The following DNAH2 variants were observed in gnomAD, a reference collection of about 807,000 sequenced individuals.
The protein encoded by DNAH2 is axonemal beta dynein heavy chain 2.
A neutral mutation model predicts 523.5 loss-of-function variants in DNAH2; 323 were observed. That is an observed-to-expected ratio of 0.62 (90% CI 0.56 to 0.68). DNAH2 has a LOEUF of 0.68. DNAH2 is among the 30% of genes least tolerant of loss of function. DNAH2 has a pLI of 0.00. For missense variants in DNAH2, 4,907 were observed against 5,701.5 expected, an observed-to-expected ratio of 0.86 and a Z score of 4.49; for synonymous variants, 2,093 against 2,177.4, an observed-to-expected ratio of 0.96 and a Z score of 1.08.
intron 4 of DNAH2, among the ~76,000 whole-genome samples, chr17:7,730,922 C>T (rs1344892300): frequency 6.6e-6 from 1 of 152,082 alleles, no homozygotes; most frequent in Non-Finnish European, 1.5e-5. Flanking sequence ...TAAGACCAGC[C>T]TGGGCAACAT....
chr17:7,793,872 A>C (rs1007312021), intron 48 of DNAH2, among the ~76,000 whole-genome samples: 4 of 152,128 alleles, frequency 2.6e-5, no homozygotes, highest in Non-Finnish European at 1.5e-5. Flanking sequence ...TGTGTGTTTG[A>C]GAGAGAACAT....
At chr17:7,769,177 G>C (rs1479738823) in intron 24 of DNAH2, among the ~76,000 whole-genome samples, 1 of 151,776 alleles carries the variant, frequency 6.6e-6, no homozygotes, top group Non-Finnish European at 1.5e-5. Context: ...TTTTTTTGTG[G>C]GGGAGACAAA....
At chr17:7,813,480 A>G (rs532440886) in intron 63 of DNAH2, among the ~76,000 whole-genome samples, 50 of 152,342 alleles carry the variant, frequency 3.3e-4, no homozygotes, top group Admixed American at 3.1e-3. Flanking sequence ...TACATAAATC[A>G]TAGTTCAGTC....
At chr17:7,720,025 C>T (rs1390751603) in intron 2 of DNAH2, 125 bp downstream of exon 2, 12 of 1,198,296 alleles carry the variant, frequency 1.0e-5, no homozygotes, top group African/African-American at 1.6e-5. Flanking sequence ...GGCTAAGTGA[C>T]GCCCCCAGCC....
At chr17:7,804,618 G>T (rs1159254698) in intron 59 of DNAH2, 152 bp downstream of exon 59, 1 of 917,176 alleles carries the variant, frequency 1.1e-6, no homozygotes, top group Non-Finnish European at 1.6e-6. Flanking sequence ...GGCTGAGGCA[G>T]GAGGATCACC....
At chr17:7,816,887 C>A in intron 64 of DNAH2, 152 bp downstream of exon 64, 2 of 981,568 alleles carry the variant, frequency 2.0e-6, no homozygotes, top group Non-Finnish European at 3.0e-6. Flanking sequence ...TTCCCCTCCC[C>A]CTGCACACCT....
At position 7,766,421 on chromosome 17, in the gene DNAH2, C is replaced by T; in HGVS notation, c.3615C>T (p.Ala1205=). ...GGGAAGAGGAAAATAGTCTCCGAGC[C>T]AACCTGGGCATCTTCAAGATCGAGC... The part of the protein sequence containing the change: ...AMREEENSLR[A]NLGIFKIEQP... The change falls in exon 22 of 86, where the codon GCC becomes GCT. Residue 1205 remains alanine (A), a synonymous_variant. Transcript: ENST00000572933. 1 of 1,614,020 alleles carries T rather than the reference C, an allele frequency of 6.2e-7. No individual in the cohort carries two copies. The highest frequency in any genetic ancestry group is 8.5e-7 in the Non-Finnish European group (1 of 1,179,992).
rs528415553 is a variant in DNAH2, at chr17:7,789,551, T to C, written c.6900+1307T>C. ...GGCAGACAATTGATTCTTAACATAA[T>C]TTCCCACCTATAGGATTGAGGAATA... On this transcript the variant is annotated intron_variant, in intron 44 of 85. Transcript: ENST00000572933. Among the ~76,000 whole-genome samples the C allele has an allele frequency of 3.1e-4, 47 of 152,044 alleles. 1 individual carries two copies. The highest frequency in any genetic ancestry group is 6.8e-3 in the Middle Eastern group (2 of 292).
chr17:7,818,505 A>G (rs1277748271), intron 69 of DNAH2, 45 bp downstream of exon 69: 1 of 1,608,126 alleles, frequency 6.2e-7, no homozygotes, highest in Non-Finnish European at 8.5e-7. Context: ...TGAAGCAGGA[A>G]GAGTTTGGAA....
chr17:7,754,155 C>T lies in DNAH2; in HGVS notation c.1905-2936C>T, dbSNP rs376124355. The stretch of plus-strand genomic sequence containing the variant: ...ACGACATTCTTTAAAGCAGGCAGGC[C>T]GTGAAGGGGAGGACAGGATATGGCA... On this transcript the variant is annotated intron_variant, in intron 12 of 85. Transcript: ENST00000572933. This position sits in a 1 kb window ranked among gnomAD's most constrained non-coding sequence, Gnocchi z 4.6. Among the ~76,000 whole-genome samples, 69 of 151,860 alleles carry T rather than the reference C, an allele frequency of 4.5e-4. No homozygotes were observed. Among genetic ancestry groups the T allele is most frequent in the African/African-American group, 1.5e-3 (62 of 41,408 alleles).
At chr17:7,768,317 C>A (rs376979981) in intron 24 of DNAH2, 50 bp downstream of exon 24, 5 of 1,593,594 alleles carry the variant, frequency 3.1e-6, no homozygotes, top group African/African-American at 2.7e-5. Flanking sequence ...CGCTGGCCTG[C>A]GCCACCACTT....
chr17:7,733,136 C>T lies in DNAH2; in HGVS notation c.449C>T (p.Thr150Ile). Reference sequence around the variant, plus strand: ...ATTCGCCAAGCACCAGTTCCCATCACCTGGGAGAACTTCGAGGCAACTGTG... The same window carrying T: ...ATTCGCCAAGCACCAGTTCCCATCATCTGGGAGAACTTCGAGGCAACTGTG... ...YFIRQAPVPITWENFEATVQF... is the reference protein window; with the variant it reads ...YFIRQAPVPIIWENFEATVQF... Residue 150 changes from threonine to isoleucine, a missense_variant, in exon 5 of 86, where the codon ACC becomes ATC. Thr to Ile is a moderately conservative substitution (Grantham distance 89). Around this residue, in one of 3 missense-constraint regions of DNAH2, gnomAD observed 2,806 missense variants for 3,190.8 expected, o/e 0.88. Transcript: ENST00000572933. 6.2e-7 allele frequency: 1 copy of T among 1,614,202 alleles called. No individual in the cohort carries two copies. The highest frequency in any genetic ancestry group is 8.5e-7 in the Non-Finnish European group (1 of 1,180,034).
chr17:7,778,774 G>T (rs1476433263), intron 35 of DNAH2, among the ~76,000 whole-genome samples: 1 of 151,984 alleles, frequency 6.6e-6, no homozygotes, highest in East Asian at 1.9e-4. Flanking sequence ...TCACCATCTT[G>T]GCCAGGCTGG....
chr17:7,745,543 G>T lies in DNAH2; in HGVS notation c.1904+2401G>T, dbSNP rs1197766796. On this transcript the variant is annotated intron_variant, in intron 12 of 85. Coordinates refer to ENST00000572933, the MANE Select transcript of DNAH2 (RefSeq NM_020877.5). ...AAAAAAAATGCCATATGTGGCTGGC[G>T]CAGTGGCTCATGCCTAGAATCCCAA... Among the ~76,000 whole-genome samples the T allele has an allele frequency of 1.4e-4, 21 of 151,664 alleles. 1 individual carries two copies. Among genetic ancestry groups the T allele is most frequent in the Admixed American group, 6.6e-5 (1 of 15,192 alleles).
Position 7,757,145 on chromosome 17 carries a change from G to T in DNAH2, c.1959G>T (p.Glu653Asp), listed in dbSNP as rs1597552080. 2 of 1,614,204 alleles carry T rather than the reference G, an allele frequency of 1.2e-6. No homozygotes were observed. Among genetic ancestry groups the T allele is most frequent in the East Asian group, 2.2e-5 (1 of 44,884 alleles). ...ACTACTGGGAGCGGCTGCTGTTTGAGACGCCCCATTACGTGGTGAACGTAG... is the reference window on the plus strand; with the variant it reads ...ACTACTGGGAGCGGCTGCTGTTTGATACGCCCCATTACGTGGTGAACGTAG... ...EIDYWERLLF[E>D]TPHYVVNVAE... The change falls in exon 13 of 86, where the codon GAG becomes GAT. Residue 653 changes from glutamate (E) to aspartate (D), a missense_variant. Transcript: ENST00000572933.
chr17:7,727,104 T>C lies in DNAH2; in HGVS notation c.229-18T>C. ...CTGGCAGTTGTAGTTACTTTGGCCC[T>C]CTGCTCTCCTTCTGTAGAAGCCCCT... On this transcript the variant is annotated intron_variant, in intron 3 of 85. Coordinates refer to ENST00000572933, the MANE Select transcript of DNAH2 (RefSeq NM_020877.5). 1 of 1,528,656 alleles carries C rather than the reference T, an allele frequency of 6.5e-7. No homozygotes were observed. Among genetic ancestry groups the C allele is most frequent in the Non-Finnish European group, 8.7e-7 (1 of 1,145,450 alleles). 94.7% of individuals were successfully genotyped at this position (1,528,656 alleles called of 1,614,324 possible). A position where few individuals can be genotyped will look rare whatever the true frequency, so the allele number is the denominator to read the frequency against.
Position 7,824,519 on chromosome 17 carries a change from C to A in DNAH2, c.11663-18C>A. ...GGCTTAGGAAATGATTCCCACTGAC[C>A]CTGGCATCTCCTTGCAGGACACTGG... On this transcript the variant is annotated intron_variant, in intron 76 of 85. Transcript: ENST00000572933. 1 of 1,524,964 alleles carries A rather than the reference C, an allele frequency of 6.6e-7. No individual in the cohort carries two copies. Among genetic ancestry groups the A allele is most frequent in the Non-Finnish European group, 8.9e-7 (1 of 1,127,048 alleles). 94.5% of individuals were successfully genotyped at this position (1,524,964 alleles called of 1,614,324 possible). A position where few individuals can be genotyped will look rare whatever the true frequency, so the allele number is the denominator to read the frequency against.
chr17:7,740,869 G>A lies in DNAH2; in HGVS notation c.1566G>A (p.Glu522=), dbSNP rs754793921. 6.2e-7 allele frequency: 1 copy of A among 1,614,030 alleles called. No individual in the cohort carries two copies. The highest frequency in any genetic ancestry group is 1.7e-5 in the Admixed American group (1 of 60,030). ...ATCTCTACATGCTGTTCAATAGCGAGCTGGCCCTGGTGAACCGTGAACGGA... is the reference window on the plus strand; with the variant it reads ...ATCTCTACATGCTGTTCAATAGCGAACTGGCCCTGGTGAACCGTGAACGGA... ...AVDLYMLFNS[E]LALVNRERNK... is the part of the protein sequence containing the mutation. Residue 522 remains glutamate, a synonymous_variant, in exon 11 of 86, where the codon GAG becomes GAA. Coordinates refer to ENST00000572933, the MANE Select transcript of DNAH2 (RefSeq NM_020877.5).
chr17:7,722,023 G>C (rs894610577), intron 2 of DNAH2, among the ~76,000 whole-genome samples: 23 of 152,226 alleles, frequency 1.5e-4, no homozygotes, highest in African/African-American at 5.3e-4. Context: ...TTTGGAGACA[G>C]AATCTTGCCC....
Sources: gnomAD v4.1 joint callset for allele counts (sites outside exome capture counted in the v4.1 genomes callset) on GRCh38, gnomAD v4.1.1 for gene constraint, gnomAD v4.1.1 regional missense constraint, Gnocchi (gnomAD v3.1) non-coding constraint, MANE v1.5 for transcripts, NCBI Gene and HGNC (gene_info 2026-07-23, HGNC 2026-07-21) for gene names.